CHSY3: variants seen among roughly 807,000 people sequenced by gnomAD.
The protein encoded by CHSY3 is chondroitin sulfate synthase 3.
Under a neutral mutation model 67.2 loss-of-function variants are expected in CHSY3, and 35 were observed. The observed-to-expected ratio is 0.52, with a 90% confidence interval of 0.40 to 0.69. CHSY3 has a LOEUF of 0.69. Among genes scored for constraint, CHSY3 ranks in the 30% least tolerant of loss-of-function variants. The pLI is 0.00. For missense variants in CHSY3, 1,069 were observed against 1,138.5 expected (o/e 0.94, Z 0.88); for synonymous variants, 474 against 434.7 (o/e 1.09, Z -1.12).
At chr5:129,975,981 A>C (rs969773278) in intron 2 of CHSY3, among the ~76,000 whole-genome samples, 6 of 152,124 alleles carry the variant, frequency 3.9e-5, no homozygotes, top group African/African-American at 1.2e-4. Context: ...TTGTGTTCAG[A>C]GTTTCATCTT....
chr5:130,039,168 G>C (rs563189800), intron 2 of CHSY3, among the ~76,000 whole-genome samples: 12 of 152,044 alleles, frequency 7.9e-5, no homozygotes, highest in Admixed American at 2.0e-4. Context: ...TAGGACTTTA[G>C]AGTCATTTAG....
Position 130,067,173 on chromosome 5 carries a change from T to C in CHSY3, c.1087-117056T>C, listed in dbSNP as rs139687128. Among the ~76,000 whole-genome samples, 134 of 152,238 alleles carry C rather than the reference T, an allele frequency of 8.8e-4. 1 individual carries two copies. The highest frequency in any genetic ancestry group is 3.1e-3 in the African/African-American group (130 of 41,564). On this transcript the variant is annotated intron_variant, in intron 2 of 2. Coordinates refer to ENST00000305031, the MANE Select transcript of CHSY3 (RefSeq NM_175856.5). Reference sequence around the variant, plus strand: ...CACAATTAGGACTTTCCAATAACAGTGAAATAGCTCTCTTCCTGAAGCCCT... The same window carrying C: ...CACAATTAGGACTTTCCAATAACAGCGAAATAGCTCTCTTCCTGAAGCCCT...
chr5:129,988,098 T>C (rs1763257179), intron 2 of CHSY3, among the ~76,000 whole-genome samples: 1 of 152,196 alleles, frequency 6.6e-6, no homozygotes, highest in Non-Finnish European at 1.5e-5. Context: ...AAAGGACATT[T>C]GCTTCAAAAT....
chr5:129,919,997 T>C (rs946236130), intron 2 of CHSY3, among the ~76,000 whole-genome samples: 10 of 152,168 alleles, frequency 6.6e-5, no homozygotes, highest in Non-Finnish European at 1.0e-4. Flanking sequence ...AAATGTACAG[T>C]ATTCAATTAT....
rs547756217 is a variant in CHSY3 at position 130,099,971 on chromosome 5, T to C, written c.1087-84258T>C. Reference sequence around the variant, plus strand: ...GAGTCCCTGGGTATCTTGTCTCCACTTTATTTTAATTGTAGTGACTACAAA... The same window carrying C: ...GAGTCCCTGGGTATCTTGTCTCCACCTTATTTTAATTGTAGTGACTACAAA... On this transcript the variant is annotated intron_variant, in intron 2 of 2. Coordinates refer to ENST00000305031, the MANE Select transcript of CHSY3 (RefSeq NM_175856.5). Among the ~76,000 whole-genome samples the C allele has an allele frequency of 4.0e-5, 6 of 149,920 alleles. No homozygotes were observed. The South Asian group carries it at 1.3e-3, about 31-fold the overall frequency.
chr5:130,095,431 A>C (rs1724620058), intron 2 of CHSY3, among the ~76,000 whole-genome samples: 1 of 152,218 alleles, frequency 6.6e-6, no homozygotes, highest in African/African-American at 2.4e-5. Flanking sequence ...ACCTAGTGAA[A>C]GGAGCACAGA....
At chr5:130,050,680 A>G (rs541849750) in intron 2 of CHSY3, among the ~76,000 whole-genome samples, 1 of 152,230 alleles carries the variant, frequency 6.6e-6, no homozygotes, top group African/African-American at 2.4e-5. Flanking sequence ...CAAGTTCTAG[A>G]TAAGAACCTG....
chr5:130,140,734 C>A (rs1269206980), intron 2 of CHSY3: 17 of 266,368 alleles, frequency 6.4e-5, no homozygotes. Flanking sequence ...GAATGGTTAA[C>A]CATTTTATTA....
intron 2 of CHSY3, among the ~76,000 whole-genome samples, chr5:130,018,858 G>T (rs1331281230): frequency 6.6e-6 from 1 of 152,016 alleles, no homozygotes; most frequent in Non-Finnish European, 1.5e-5. Flanking sequence ...CTTATTACTG[G>T]CTCAGTTCTC....
chr5:129,972,067 A>T (rs1462214100), intron 2 of CHSY3, among the ~76,000 whole-genome samples: 1 of 152,112 alleles, frequency 6.6e-6, no homozygotes, highest in African/African-American at 2.4e-5. Flanking sequence ...CTATCAAGAG[A>T]TAGACTTTCC....
chr5:130,141,586 G>T, intron 2 of CHSY3: 1 of 483,526 alleles, frequency 2.1e-6, no homozygotes, highest in Non-Finnish European at 4.1e-6. Context: ...CCAGGAAGCT[G>T]AGAAATACAG....
At chr5:129,952,107 C>T (rs180677161) in intron 2 of CHSY3, among the ~76,000 whole-genome samples, 4 of 152,190 alleles carry the variant, frequency 2.6e-5, no homozygotes, top group African/African-American at 9.6e-5. Context: ...AAGAGCTGAA[C>T]CAGGTTGAGA....
chr5:130,082,080 A>G (rs1387958713), intron 2 of CHSY3, among the ~76,000 whole-genome samples: 1 of 152,034 alleles, frequency 6.6e-6, no homozygotes, highest in Non-Finnish European at 1.5e-5. Context: ...TGGTGTGCAC[A>G]TTATGGGAGT....
At position 130,115,998 on chromosome 5, in the gene CHSY3, G is replaced by T. The variant is rs1264355857; in HGVS notation, c.1087-68231G>T. ...TCTCACCACACGGATCACACAGGAGGTTCTCCTTTCTTGTCATTTTCATCC... is the reference window on the plus strand; with the variant it reads ...TCTCACCACACGGATCACACAGGAGTTTCTCCTTTCTTGTCATTTTCATCC... On this transcript the variant is annotated intron_variant, in intron 2 of 2. Transcript: ENST00000305031. Among the ~76,000 whole-genome samples, 3 of 152,140 alleles carry T rather than the reference G, an allele frequency of 2.0e-5. No homozygotes were observed. The East Asian group carries it at 5.8e-4, about 29-fold the overall frequency.
chr5:129,904,991 C>G lies in CHSY3; in HGVS notation c.162C>G (p.Gly54=). The G allele has an allele frequency of 1.3e-6, 2 of 1,567,710 alleles. No individual in the cohort carries two copies. Among genetic ancestry groups the G allele is most frequent in the Non-Finnish European group, 8.6e-7 (1 of 1,162,960 alleles). ...CCTACTACGGTCGCTCTGCTGCTGG[C>G]CCCCGCGCCGGCGCTCAGCAGCCGC... ...LCSYYGRSAA[G]PRAGAQQPLP... Residue 54 remains glycine, a synonymous_variant, in exon 1 of 3, where the codon GGC becomes GGG. Transcript: ENST00000305031.
chr5:130,069,798 C>G (rs1766002464), intron 2 of CHSY3, among the ~76,000 whole-genome samples: 1 of 151,958 alleles, frequency 6.6e-6, no homozygotes, highest in African/African-American at 2.4e-5. Flanking sequence ...AGATATTTCT[C>G]TTACCTTTAT....
intron 2 of CHSY3, among the ~76,000 whole-genome samples, chr5:130,113,289 A>G (rs1767646114): frequency 6.6e-6 from 1 of 152,166 alleles, no homozygotes; most frequent in Admixed American, 6.6e-5. Context: ...TAAATCATGC[A>G]TAATGTTCCA....
chr5:130,143,784 G>GTGTATATATATATATATGTGTGTATA (rs1179526892), intron 2 of CHSY3, among the ~76,000 whole-genome samples: 1 of 73,842 alleles, frequency 1.4e-5, no homozygotes, highest in African/African-American at 6.2e-5. Context: ...ATATATATGT[G>GTGTATATATATATATATGTGTGTATA]TATATATATA....
chr5:129,927,683 A>C (rs917521068), intron 2 of CHSY3, among the ~76,000 whole-genome samples: 1 of 152,084 alleles, frequency 6.6e-6, no homozygotes, highest in Non-Finnish European at 1.5e-5. Context: ...TGTGTAAATA[A>C]GTAATAATAC....
Sources: allele counts gnomAD v4.1 joint callset (sites outside exome capture counted in the v4.1 genomes callset), GRCh38; gene constraint gnomAD v4.1.1; transcripts MANE v1.5; gene names NCBI Gene and HGNC (gene_info 2026-07-23, HGNC 2026-07-21).